Variants in TUBGCP5 observed in about 807,000 individuals in gnomAD.
TUBGCP5 encodes the protein gamma-tubulin complex component 5.
In TUBGCP5, 98 loss-of-function variants were observed where a neutral mutation model predicts 134.7. That is an observed-to-expected ratio of 0.73 (90% CI 0.62 to 0.86). TUBGCP5 has a LOEUF of 0.86. Ranked by LOEUF, TUBGCP5 falls within the 40% of genes least tolerant of loss-of-function variation. The probability of loss-of-function intolerance (pLI) is 0.00; values close to 1 mark genes in which losing one functional copy is unlikely to be tolerated. For missense variants in TUBGCP5, 1,150 were observed against 1,244.8 expected (o/e 0.92, Z 1.15); for synonymous variants, 456 against 431.4 (o/e 1.06, Z -0.71).
intron 23 of TUBGCP5, among the ~76,000 whole-genome samples, chr15:22,991,576 C>CAT (rs2063846994): frequency 6.8e-6 from 1 of 146,128 alleles, no homozygotes; most frequent in African/African-American, 2.6e-5. Context: ...GTGGCTCACA[C>CAT]GTGTTGTGGG....
chr15:23,026,359 T>C (rs896945647), intron 7 of TUBGCP5, among the ~76,000 whole-genome samples, 154 bp from the exon 8 acceptor site: 1 of 152,376 alleles, frequency 6.6e-6, no homozygotes, highest in Non-Finnish European at 1.5e-5. Flanking sequence ...TATTTTCATG[T>C]CAATCAGAAT....
At chr15:22,995,953 A>T (rs1207210921), downstream of TUBGCP5, among the ~76,000 whole-genome samples, 2 of 152,124 alleles carry the variant, frequency 1.3e-5, no homozygotes, top group African/African-American at 2.4e-5. Flanking sequence ...CGTTATGTGG[A>T]TGAGCTGTGT....
rs1433067746 is a variant in TUBGCP5, at chr15:23,005,623, G to A, written c.2534-13C>T. ...GTACTAACCAGTTCTATAAAACATT[G>A]GAAGAGCAAAGTGGACAGAAAGAGC... On this transcript the variant is annotated splice_polypyrimidine_tract_variant and intron_variant, in intron 18 of 22. Transcript: ENST00000615383. 1 of 1,607,218 alleles carries A rather than the reference G, an allele frequency of 6.2e-7. No individual in the cohort carries two copies. The highest frequency in any genetic ancestry group is 1.1e-5 in the South Asian group (1 of 90,636).
chr15:23,023,855 G>A, intron 10 of TUBGCP5, 92 bp downstream of exon 10: 1 of 1,279,998 alleles, frequency 7.8e-7, no homozygotes, highest in Non-Finnish European at 1.1e-6. Flanking sequence ...TATCTGCTAG[G>A]CAACTTTCAA....
At position 23,000,188 on chromosome 15, in the gene TUBGCP5, T is replaced by A. The variant is rs896315528; in HGVS notation, c.3029-322A>T. On this transcript the variant is annotated intron_variant, in intron 22 of 22. Transcript: ENST00000615383. ...TCCCAAAGGGCTGGGATTAGAGGCA[T>A]GAGCCACCGCGCCAGGCCAGGAGCT... The A allele has an allele frequency of 1.6e-5, 16 of 997,936 alleles. No homozygotes were observed. The African/African-American group carries it at 2.5e-4, about 15-fold the overall frequency. 61.8% of individuals were successfully genotyped at this position (997,936 alleles called of 1,614,324 possible). A position where few individuals can be genotyped will look rare whatever the true frequency, so the allele number is the denominator to read the frequency against.
In TUBGCP5 at chr15:23,032,013, G is replaced by C; in HGVS notation, c.423C>G (p.Phe141Leu). ...RNKEVEKKDDFDWGKYLMEDE... is the reference protein window; with the variant it reads ...RNKEVEKKDDLDWGKYLMEDE... The stretch of plus-strand genomic sequence containing the variant: ...CTTCCATCAAGTATTTTCCCCAGTC[G>C]AAATCATCTTTCTTTTCTAAAATGT... The change falls in exon 5 of 23, where the codon TTC (phenylalanine) becomes TTG (leucine). Residue 141 changes from phenylalanine (F) to leucine (L), a missense_variant. Transcript: ENST00000615383. The C allele has an allele frequency of 6.2e-7, 1 of 1,609,802 alleles. No individual in the cohort carries two copies. The highest frequency in any genetic ancestry group is 8.5e-7 in the Non-Finnish European group (1 of 1,177,546).
intron 16 of TUBGCP5, among the ~76,000 whole-genome samples, chr15:23,007,416 G>T (rs373549654): frequency 5.1e-4 from 78 of 152,190 alleles, no homozygotes; most frequent in African/African-American, 1.9e-3. Context: ...AGCTCTTAAT[G>T]GCCTGATATG....
chr15:23,011,826 AAT>A (rs2065049409), intron 13 of TUBGCP5, among the ~76,000 whole-genome samples: 1 of 149,762 alleles, frequency 6.7e-6, no homozygotes, highest in South Asian at 2.1e-4. Flanking sequence ...AATATTAAAT[AAT>A]ATCATGTCCG....
chr15:23,024,175 G>C lies in TUBGCP5; in HGVS notation c.940C>G (p.Leu314Val), dbSNP rs1381000975. 2.5e-6 allele frequency: 4 copies of C among 1,614,014 alleles called. No individual in the cohort carries two copies. In the Admixed American group the frequency reaches 6.7e-5, roughly 27 times the overall value. ...HLTHSCLRSV[L>V]EQIAAYGQVV... ...TGGCCATATGCTGCTATTTGTTCCA[G>C]CACAGATCGTAAACAGCTCTACAAC... Residue 314 changes from leucine (L) to valine (V), a missense_variant, in exon 10 of 23, where the codon CTG becomes GTG. By Grantham distance (32) the Leu-to-Val change is conservative (BLOSUM62 1). This residue lies in a region of TUBGCP5 where 453 missense variants were observed against 394.7 expected (regional missense o/e 1.15). Transcript: ENST00000615383.
intron 3 of TUBGCP5, among the ~76,000 whole-genome samples, chr15:23,033,347 A>G (rs1184371847): frequency 6.0e-5 from 9 of 150,856 alleles, no homozygotes; most frequent in Non-Finnish European, 1.0e-4. Flanking sequence ...GTGCAATCTC[A>G]GCTCACCGCA....
intron 9 of TUBGCP5, 117 bp from the exon 10 acceptor site, chr15:23,024,310 G>A: frequency 8.7e-7 from 1 of 1,143,894 alleles, no homozygotes; most frequent in Non-Finnish European, 1.2e-6. Flanking sequence ...ATGTTTAGTA[G>A]AAGACAAAGT....
In TUBGCP5 at chr15:23,032,825, C is replaced by T. The variant is rs1010435031; in HGVS notation, c.310-1G>A. On this transcript the variant is annotated splice_acceptor_variant, in intron 3 of 22. Transcript: ENST00000615383. LOFTEE classifies it high-confidence loss of function. The stretch of plus-strand genomic sequence containing the variant: ...ACAGTATGGAATAATGTGCATCTGT[C>T]TTTAAAACAAAAAAAAGAACATAAA... 6.5e-7 allele frequency: 1 copy of T among 1,549,558 alleles called. No individual in the cohort carries two copies. Among genetic ancestry groups the T allele is most frequent in the Non-Finnish European group, 8.7e-7 (1 of 1,153,058 alleles).
chr15:22,993,504 C>T (rs1342288214), intron 23 of TUBGCP5, among the ~76,000 whole-genome samples: 2 of 145,730 alleles, frequency 1.4e-5, no homozygotes, highest in Non-Finnish European at 3.0e-5. Flanking sequence ...CTCAAATAAT[C>T]CTCCCACCTC....
rs577538398 is a variant in TUBGCP5, at chr15:23,019,786, A to G, written c.1372-452T>C. Among the ~76,000 whole-genome samples the G allele has an allele frequency of 5.3e-4, 80 of 151,822 alleles. 2 individuals carry two copies. The South Asian group carries it at 0.016, about 31-fold the overall frequency. ...CACTCCAGCCTGGCAACAGAGTGAC[A>G]CTGTCTCAAAACAAAAAGAAAAAAA... On this transcript the variant is annotated intron_variant, in intron 11 of 22. Coordinates refer to ENST00000615383, the MANE Select transcript of TUBGCP5 (RefSeq NM_052903.6).
chr15:23,017,669 T>G, intron 13 of TUBGCP5, 104 bp downstream of exon 13: 1 of 1,159,798 alleles, frequency 8.6e-7, no homozygotes, highest in Non-Finnish European at 1.2e-6. Context: ...ATAAGAGGGT[T>G]TGATGACTTG....
chr15:23,015,111 G>A (rs1280082389), intron 13 of TUBGCP5, among the ~76,000 whole-genome samples: 1 of 152,078 alleles, frequency 6.6e-6, no homozygotes, highest in African/African-American at 2.4e-5. Context: ...TTGGGACAGA[G>A]TCTTGCTTTG....
rs768632467 is a variant in TUBGCP5, at chr15:23,008,812, G to A, written c.2214C>T (p.Phe738=). The A allele has an allele frequency of 6.2e-7, 1 of 1,602,140 alleles. No homozygotes were observed. Among genetic ancestry groups the A allele is most frequent in the East Asian group, 2.2e-5 (1 of 44,546 alleles). Residue 738 remains phenylalanine (F), a synonymous_variant, in exon 16 of 23, where the codon TTC becomes TTT. Coordinates refer to ENST00000615383, the MANE Select transcript of TUBGCP5 (RefSeq NM_052903.6). ...TTATTTTATCAAAAATTGACGTGTA[G>A]AAGTCATACATGGTATCTCCTCCTT... is the stretch of plus-strand genomic sequence containing the variant. ...LMEGGDTMYD[F]YTSIFDKIRE... is the part of the protein sequence containing the mutation.
chr15:23,024,093 C>A lies in TUBGCP5; in HGVS notation c.1022G>T (p.Ser341Ile). ...AACAGACCCACTTCCAGGCAGCATG[C>A]TCTCAGAACTGTGTCCCATGACTTC... is the stretch of plus-strand genomic sequence containing the variant. ...IDEVMGHSSE[S>I]MLPGSGSVPK... Residue 341 changes from serine (S) to isoleucine (I), a missense_variant, in exon 10 of 23, where the codon AGC becomes ATC. Transcript: ENST00000615383. 6.2e-7 allele frequency: 1 copy of A among 1,614,184 alleles called. No individual in the cohort carries two copies. The highest frequency in any genetic ancestry group is 8.5e-7 in the Non-Finnish European group (1 of 1,180,028).
intron 14 of TUBGCP5, 96 bp from the exon 15 acceptor site, chr15:23,010,229 T>C: frequency 7.7e-7 from 1 of 1,296,136 alleles, no homozygotes; most frequent in Non-Finnish European, 1.1e-6. Context: ...CCTTTAGTCT[T>C]GAAGTTACCA....
Sources: allele counts gnomAD v4.1 joint callset (sites outside exome capture counted in the v4.1 genomes callset), GRCh38; gene constraint gnomAD v4.1.1; regional missense constraint gnomAD v4.1.1; transcripts MANE v1.5; gene names NCBI Gene and HGNC (gene_info 2026-07-23, HGNC 2026-07-21).